The following TDRD6 variants were observed in gnomAD, a reference collection of about 807,000 sequenced individuals.
The protein encoded by TDRD6 is tudor domain-containing protein 6.
Under a neutral mutation model 157.5 loss-of-function variants are expected in TDRD6, and 186 were observed. That is an observed-to-expected ratio of 1.18 (90% CI 1.05 to 1.33). TDRD6 has a LOEUF of 1.33. Among genes scored for constraint, TDRD6 ranks in the 40% most tolerant of loss-of-function variants. TDRD6 has a pLI of 0.00. For synonymous variants in TDRD6, 1,075 were observed against 945.2 expected (o/e 1.14, Z -2.52); for missense variants, 3,066 against 2,508.0 (o/e 1.22, Z -4.75).
Position 46,691,873 on chromosome 6 carries a change from C to G in TDRD6, c.3745C>G (p.Gln1249Glu), listed in dbSNP as rs763078318. Residue 1249 changes from glutamine (Q) to glutamate (E), a missense_variant, in exon 1 of 4, where the codon CAA becomes GAA. Physicochemically the swap from Gln to Glu is conservative, Grantham distance 29 (BLOSUM62 2). Transcript: ENST00000316081. ...AGACTCTGTGGGAAATAAAAATAGT[C>G]AAGTGTTTCCATTAACAACAGAAAA... ...YQDSVGNKNS[Q>E]VFPLTTEKKE... 40 of 1,592,202 alleles carry G rather than the reference C, an allele frequency of 2.5e-5. No individual in the cohort carries two copies. Among genetic ancestry groups the G allele is most frequent in the Non-Finnish European group, 3.2e-5 (38 of 1,174,450 alleles).
chr6:46,680,948 C>T, the TDRD6 span, among the ~76,000 whole-genome samples: 1 of 152,160 alleles, frequency 6.6e-6, no homozygotes, highest in African/African-American at 2.4e-5. Flanking sequence ...ATCTTCAGTA[C>T]CCCCTTTCTC....
Position 46,690,813 on chromosome 6 carries a change from C to T in TDRD6, c.2685C>T (p.Pro895=). ...TAATTCAACCAGTTGGCCAGAATCC[C>T]TTTGTTTGGGATGTAAAGGCAATAC... ...YNLIQPVGQN[P]FVWDVKAIQA... The change falls in exon 1 of 4, where the codon CCC becomes CCT. Residue 895 remains proline, a synonymous_variant. Transcript: ENST00000316081. 1.2e-6 allele frequency: 2 copies of T among 1,613,974 alleles called. No homozygotes were observed. The highest frequency in any genetic ancestry group is 1.3e-5 in the African/African-American group (1 of 75,012).
In TDRD6 at chr6:46,691,055, T is replaced by A; in HGVS notation, c.2927T>A (p.Phe976Tyr). ...LESSVQLHSY[F>Y]YSTHDMKIGS... ...TCCTCTGTTCAGCTACATTCCTACT[T>A]CTATTCTACACATGATATGAAAATT... The change falls in exon 1 of 4, where the codon TTC becomes TAC. Residue 976 changes from phenylalanine (F) to tyrosine (Y), a missense_variant. By Grantham distance (22) the Phe-to-Tyr change is conservative. Transcript: ENST00000316081. 1.9e-6 allele frequency: 3 copies of A among 1,613,824 alleles called. No individual in the cohort carries two copies. The highest frequency in any genetic ancestry group is 2.5e-6 in the Non-Finnish European group (3 of 1,179,866).
chr6:46,700,362 G>A (rs890643178), intron 3 of TDRD6, among the ~76,000 whole-genome samples: 1 of 151,946 alleles, frequency 6.6e-6, no homozygotes, highest in Non-Finnish European at 1.5e-5. Context: ...CCTCAAATTC[G>A]AGGAAGCTCT....
rs1278502602 is a variant in TDRD6, at chr6:46,689,135, G to A, written c.1007G>A (p.Arg336Gln). The A allele has an allele frequency of 6.2e-7, 1 of 1,613,996 alleles. No homozygotes were observed. Reference protein sequence around the residue: ...WYRALLLETFRPQRCAQVLHV... With the variant: ...WYRALLLETFQPQRCAQVLHV... ...AGAGCACTGTTGCTTGAGACTTTTC[G>A]GCCCCAGCGCTGTGCCCAGGTGCTT... Residue 336 changes from arginine to glutamine, a missense_variant, in exon 1 of 4, where the codon CGG becomes CAG. Physicochemically the swap from Arg to Gln is conservative, Grantham distance 43. Coordinates refer to ENST00000316081, the MANE Select transcript of TDRD6 (RefSeq NM_001010870.3).
At position 46,690,443 on chromosome 6, in the gene TDRD6, G is replaced by A; in HGVS notation, c.2315G>A (p.Ser772Asn). The A allele has an allele frequency of 6.2e-7, 1 of 1,614,122 alleles. No homozygotes were observed. The highest frequency in any genetic ancestry group is 8.5e-7 in the Non-Finnish European group (1 of 1,180,024). ...AGTAAAGGAGAGCTGGAAGTTGGAA[G>A]TACAGTAGAAGTCAGAGTGTCTTAT... ...SSSKGELEVG[S>N]TVEVRVSYVE... Residue 772 changes from serine to asparagine, a missense_variant, in exon 1 of 4, where the codon AGT (serine) becomes AAT (asparagine). Ser to Asn is a conservative substitution (Grantham distance 46). Transcript: ENST00000316081.
Position 46,693,986 on chromosome 6 carries a change from G to T in TDRD6, c.5858G>T (p.Arg1953Leu). The change falls in exon 1 of 4, where the codon CGC becomes CTC. Residue 1953 changes from arginine (R) to leucine (L), a missense_variant. Arg to Leu is a moderately radical substitution (Grantham distance 102, BLOSUM62 -2). Coordinates refer to ENST00000316081, the MANE Select transcript of TDRD6 (RefSeq NM_001010870.3). The stretch of plus-strand genomic sequence containing the variant: ...TGTGTAGAATCTTTTGATGACCAGC[G>T]CAGGATGTCATTGCATCTACATGGA... ...SSCVESFDDQ[R>L]RMSLHLHGAD... The T allele has an allele frequency of 6.2e-7, 1 of 1,613,796 alleles. No homozygotes were observed. Among genetic ancestry groups the T allele is most frequent in the Non-Finnish European group, 8.5e-7 (1 of 1,179,916 alleles).
rs759121619 is a variant in TDRD6 at position 46,690,588 on chromosome 6, C to G, written c.2460C>G (p.Thr820=). Residue 820 remains threonine (T), a synonymous_variant, in exon 1 of 4, where the codon ACC becomes ACG. Transcript: ENST00000316081. ...CAGCTGCTCCTCACCAGAGAAACAC[C>G]CTTGCTTGTTTGGCTAAGCGAACAG... ...KNTAAPHQRN[T]LACLAKRTVN... 3 of 1,614,180 alleles carry G rather than the reference C, an allele frequency of 1.9e-6. No individual in the cohort carries two copies. The highest frequency in any genetic ancestry group is 1.7e-5 in the Admixed American group (1 of 60,026).
rs946243097 is a variant in TDRD6 at position 46,687,967 on chromosome 6, C to A, written c.-162C>A. 2 of 1,165,758 alleles carry A rather than the reference C, an allele frequency of 1.7e-6. No homozygotes were observed. Among genetic ancestry groups the A allele is most frequent in the Non-Finnish European group, 2.3e-6 (2 of 882,550 alleles). The allele number at this position is 1,165,758 out of a possible 1,614,324, so 72.2% of individuals were successfully genotyped here. ...GGCGGGAGTCCCGGAGGACCCTCGA[C>A]GGGGGAGTTGCCGAGAAAAGGCCTC... On this transcript the variant is annotated 5_prime_UTR_variant, in exon 1 of 4. Coordinates refer to ENST00000316081, the MANE Select transcript of TDRD6 (RefSeq NM_001010870.3).
In TDRD6 at chr6:46,688,376, G is replaced by A. The variant is rs1335164660; in HGVS notation, c.248G>A (p.Arg83His). The A allele has an allele frequency of 3.3e-6, 5 of 1,534,656 alleles. No individual in the cohort carries two copies. Among genetic ancestry groups the A allele is most frequent in the Admixed American group, 2.0e-5 (1 of 50,826 alleles). ...GTGCAGGTCGGGCTTTTGTGGCACC[G>A]CTGCCGCGTGGTCAGCCGGCAGGCA... ...CLVQVGLLWH[R>H]CRVVSRQAQE... Residue 83 changes from arginine to histidine, a missense_variant, in exon 1 of 4, where the codon CGC becomes CAC. Transcript: ENST00000316081.
In TDRD6 at chr6:46,690,770, G is replaced by A. The variant is rs375454281; in HGVS notation, c.2642G>A (p.Arg881Lys). 7 of 1,614,112 alleles carry A rather than the reference G, an allele frequency of 4.3e-6. No homozygotes were observed. The highest frequency in any genetic ancestry group is 5.1e-6 in the Non-Finnish European group (6 of 1,180,006). ...EFLKVKAQAF[R>K]CSLYNLIQPV... ...CTGAAGGTTAAGGCACAGGCTTTTA[G>A]GTGCAGTCTTTATAATTTAATTCAA... Residue 881 changes from arginine to lysine, a missense_variant, in exon 1 of 4, where the codon AGG (arginine) becomes AAG (lysine). Transcript: ENST00000316081.
the TDRD6 span, chr6:46,681,376 T>C: frequency 9.3e-6 from 3 of 322,094 alleles, no homozygotes; most frequent in Non-Finnish European, 1.9e-5. Context: ...TTAATAAATA[T>C]GTGATTTTAA....
chr6:46,703,321 A>G lies in TDRD6; in HGVS notation c.*1434A>G, dbSNP rs1428322924. The G allele has an allele frequency of 6.6e-6, 1 of 152,128 alleles. No individual in the cohort carries two copies. The highest frequency in any genetic ancestry group is 1.5e-5 in the Non-Finnish European group (1 of 67,972). 9.4% of individuals were successfully genotyped at this position (152,128 alleles called of 1,614,324 possible). On this transcript the variant is annotated 3_prime_UTR_variant, in exon 4 of 4. Transcript: ENST00000316081. ...AGGGAGAGAGGTTTGCATTAAAAGT[A>G]ATTGAGGTAGATGAGTATATTACTT...
Position 46,689,451 on chromosome 6 carries a change from C to A in TDRD6, c.1323C>A (p.Cys441Ter). 1 of 1,613,340 alleles carries A rather than the reference C, an allele frequency of 6.2e-7. No individual in the cohort carries two copies. Among genetic ancestry groups the A allele is most frequent in the Non-Finnish European group, 8.5e-7 (1 of 1,180,018 alleles). The change falls in exon 1 of 4, where the codon TGC becomes TGA. Residue 441 changes from cysteine (C) to a stop codon, truncating the protein, a stop_gained. Transcript: ENST00000316081. LOFTEE classifies it high-confidence loss of function. ...LNRVFGVQSC[C>*]LADRVLQSQA... ...GTGTGTTTGGAGTACAGTCGTGTTG[C>A]TTGGCTGACCGAGTCCTTCAGAGCC...
chr6:46,684,255 A>AGAAAAACGTATAGG (rs1199719414), upstream of TDRD6, among the ~76,000 whole-genome samples: 4 of 152,184 alleles, frequency 2.6e-5, no homozygotes, highest in Non-Finnish European at 5.9e-5. Context: ...AAGTTTCCAA[A>AGAAAAACGTATAGG]GAAAAACGTA....
At chr6:46,687,020 T>C (rs1019256087), upstream of TDRD6, among the ~76,000 whole-genome samples, 2 of 152,210 alleles carry the variant, frequency 1.3e-5, no homozygotes, top group African/African-American at 4.8e-5. Flanking sequence ...AGGCAGACTA[T>C]AAGAAGCTTC....
At chr6:46,698,113 A>G in intron 3 of TDRD6, 26 bp downstream of exon 3, 7 of 1,470,186 alleles carry the variant, frequency 4.8e-6, no homozygotes, top group Non-Finnish European at 6.6e-6. Flanking sequence ...AATAGTAATT[A>G]GTGAGAGCAT....
chr6:46,701,760 T>G, intron 3 of TDRD6, 98 bp from the exon 4 acceptor site: 1 of 1,198,846 alleles, frequency 8.3e-7, no homozygotes, highest in Non-Finnish European at 1.2e-6. Flanking sequence ...CTCTCCCTTT[T>G]AGAGAACATT....
In TDRD6 at chr6:46,693,184, A is replaced by T. The variant is rs1191688405; in HGVS notation, c.5056A>T (p.Ser1686Cys). 6.2e-7 allele frequency: 1 copy of T among 1,609,108 alleles called. No individual in the cohort carries two copies. The highest frequency in any genetic ancestry group is 8.5e-7 in the Non-Finnish European group (1 of 1,178,146). ...CCCTTTAGCAATTGTTGACTTGAAA[A>T]GCAAAGGTAAAAGTATTAATGAGAA... ...DIPLAIVDLK[S>C]KGKSINEKME... The change falls in exon 1 of 4, where the codon AGC becomes TGC. Residue 1686 changes from serine to cysteine, a missense_variant. Coordinates refer to ENST00000316081, the MANE Select transcript of TDRD6 (RefSeq NM_001010870.3).
Sources: allele counts gnomAD v4.1 joint callset (sites outside exome capture counted in the v4.1 genomes callset), GRCh38; gene constraint gnomAD v4.1.1; transcripts MANE v1.5; gene names NCBI Gene and HGNC (gene_info 2026-07-23, HGNC 2026-07-21).